Variants in AGBL2 observed in about 807,000 individuals in gnomAD.
The protein encoded by AGBL2 is AGBL carboxypeptidase 2.
In AGBL2, 87 loss-of-function variants were observed where a neutral mutation model predicts 103.0. That is an observed-to-expected ratio of 0.84 (90% confidence interval 0.71 to 1.01). AGBL2 has a LOEUF of 1.01. Among genes scored for constraint, AGBL2 ranks in the 50% least tolerant of loss-of-function variants. AGBL2 has a pLI of 0.00. For synonymous variants in AGBL2, 335 were observed against 356.7 expected (o/e 0.94, Z 0.69); for missense variants, 904 against 1,023.5 (o/e 0.88, Z 1.59).
intron 1 of AGBL2, 54 bp from the exon 2 acceptor site, chr11:47,714,804 C>A (rs540836888): frequency 1.4e-6 from 1 of 731,536 alleles, no homozygotes; most frequent in Non-Finnish European, 2.4e-6. Flanking sequence ...CCCCGGGCGC[C>A]CCCCAGCTCC....
In AGBL2 at chr11:47,686,519, G is replaced by T. The variant is rs144482825; in HGVS notation, c.1632-470C>A. ...GGTATTTGTCTCTGCCCAAATCTCA[G>T]GTTGAGATATAATCCCTAGTGTTGG... On this transcript the variant is annotated intron_variant, in intron 10 of 18. Transcript: ENST00000525123. Among the ~76,000 whole-genome samples, 343 of 143,436 alleles carry T rather than the reference G, an allele frequency of 2.4e-3. 1 individual carries two copies. The highest frequency in any genetic ancestry group is 8.5e-3 in the African/African-American group (322 of 38,102). 94.1% of individuals were successfully genotyped at this position (143,436 alleles called of 152,430 possible).
At chr11:47,662,103 A>C (rs1168432638) in intron 18 of AGBL2, among the ~76,000 whole-genome samples, 2 of 152,180 alleles carry the variant, frequency 1.3e-5, no homozygotes, top group East Asian at 3.9e-4. Flanking sequence ...GCAAATGAGC[A>C]TGATGAATGT....
chr11:47,705,763 T>C (rs2097516403), intron 5 of AGBL2, 101 bp downstream of exon 5: 2 of 1,046,984 alleles, frequency 1.9e-6, no homozygotes, highest in Admixed American at 1.7e-5. Flanking sequence ...ATGAATCCCA[T>C]TCCTGTCTGG....
chr11:47,689,391 A>G (rs1005786090), intron 10 of AGBL2, among the ~76,000 whole-genome samples: 4 of 142,702 alleles, frequency 2.8e-5, no homozygotes, highest in African/African-American at 7.8e-5. Flanking sequence ...TGCAATCTCT[A>G]CCTCTTTGGT....
intron 7 of AGBL2, 140 bp from the exon 8 acceptor site, chr11:47,699,693 C>A: frequency 1.9e-6 from 1 of 515,088 alleles, no homozygotes; most frequent in Non-Finnish European, 3.3e-6. Flanking sequence ...AAATTTCCTG[C>A]TTGTTTATAA....
At chr11:47,674,564 C>T (rs1225864847) in intron 14 of AGBL2, among the ~76,000 whole-genome samples, 9 of 14,570 alleles carry the variant, frequency 6.2e-4, no homozygotes, top group African/African-American at 1.8e-3. Context: ...GAGACTCCGT[C>T]TCAAAAAAAA....
At chr11:47,700,368 C>A (rs867907296) in intron 7 of AGBL2, among the ~76,000 whole-genome samples, 4 of 151,700 alleles carry the variant, frequency 2.6e-5, no homozygotes, top group African/African-American at 9.7e-5. Flanking sequence ...TACCTGAGGT[C>A]GGGAGTTCGA....
chr11:47,690,826 G>T lies in AGBL2; in HGVS notation c.881C>A (p.Thr294Asn), dbSNP rs1290407306. 6.2e-7 allele frequency: 1 copy of T among 1,612,612 alleles called. No homozygotes were observed. Among genetic ancestry groups the T allele is most frequent in the Non-Finnish European group, 8.5e-7 (1 of 1,179,972 alleles). ...DTYEYELTLR[T>N]DLYTNKHTQW... ...AGTGTGTTTGTTAGTGTAGAGGTCA[G>T]TTCGCAAGGTGAGTTCATACTCATA... Residue 294 changes from threonine (T) to asparagine (N), a missense_variant, in exon 10 of 19, where the codon ACT becomes AAT. By Grantham distance (65) the Thr-to-Asn change is moderately conservative. Transcript: ENST00000525123.
At chr11:47,691,953 A>G in intron 9 of AGBL2, 150 bp downstream of exon 9, 1 of 624,410 alleles carries the variant, frequency 1.6e-6, no homozygotes, top group South Asian at 4.9e-5. Flanking sequence ...TGGGGAAAAA[A>G]TGAGTAATAA....
At chr11:47,711,433 G>A (rs573914458) in intron 3 of AGBL2, among the ~76,000 whole-genome samples, 2 of 152,172 alleles carry the variant, frequency 1.3e-5, no homozygotes, top group African/African-American at 4.8e-5. Flanking sequence ...ACCCCTCCCC[G>A]GAGCTCAGAG....
intron 8 of AGBL2, among the ~76,000 whole-genome samples, chr11:47,694,369 A>T (rs564527724): frequency 6.6e-6 from 1 of 152,166 alleles, no homozygotes; most frequent in Admixed American, 6.6e-5. Flanking sequence ...CACCAACCAG[A>T]GATGCAAGCC....
At chr11:47,671,195 C>G (rs1042247076) in intron 14 of AGBL2, among the ~76,000 whole-genome samples, 2 of 152,074 alleles carry the variant, frequency 1.3e-5, no homozygotes, top group Non-Finnish European at 2.9e-5. Context: ...GAGCTGTTCT[C>G]TATGACAGGG....
Position 47,690,872 on chromosome 11 carries a change from A to T in AGBL2, c.849-14T>A. On this transcript the variant is annotated splice_polypyrimidine_tract_variant and intron_variant, in intron 9 of 18. Coordinates refer to ENST00000525123, the MANE Select transcript of AGBL2 (RefSeq NM_024783.4). The stretch of plus-strand genomic sequence containing the variant: ...TCATAGGTGTCTCTGTAATGGAGAA[A>T]ATAGAACAACTCTGTAAGCTTACAC... 6.3e-7 allele frequency: 1 copy of T among 1,593,564 alleles called. No individual in the cohort carries two copies. The highest frequency in any genetic ancestry group is 8.5e-7 in the Non-Finnish European group (1 of 1,172,688).
At chr11:47,683,305 G>A (rs2097409465) in intron 11 of AGBL2, among the ~76,000 whole-genome samples, 1 of 152,058 alleles carries the variant, frequency 6.6e-6, no homozygotes, top group African/African-American at 2.4e-5. Flanking sequence ...CCTGGGAGGA[G>A]GAGGTTGCAG....
intron 14 of AGBL2, among the ~76,000 whole-genome samples, chr11:47,671,989 G>A (rs1170365845): frequency 1.3e-5 from 2 of 152,190 alleles, no homozygotes; most frequent in Non-Finnish European, 2.9e-5. Context: ...AGTTTCTTGA[G>A]GCAGAGGCTG....
At chr11:47,678,812 G>C (rs6485768) in intron 13 of AGBL2, among the ~76,000 whole-genome samples, 150,148 of 150,876 alleles carry the variant, frequency 1, 74,717 homozygotes, top group Middle Eastern at 1. Context: ...AATCCCAGCA[G>C]TTTGGGAGGC....
At position 47,660,317 on chromosome 11, in the gene AGBL2, G is replaced by C; in HGVS notation, c.2565C>G (p.Cys855Trp). 2.5e-6 allele frequency: 4 copies of C among 1,614,002 alleles called. No homozygotes were observed. Among genetic ancestry groups the C allele is most frequent in the South Asian group, 1.1e-5 (1 of 91,058 alleles). ...QNKKPGFTVS[C>W]SPKRTINSSQ... Reference sequence around the variant, plus strand: ...TGGAGTTTATGGTTCTCTTTGGAGAGCATGATACTGTAAAGCCTGGCTTCT... The same window carrying C: ...TGGAGTTTATGGTTCTCTTTGGAGACCATGATACTGTAAAGCCTGGCTTCT... The change falls in exon 19 of 19, where the codon TGC (cysteine) becomes TGG (tryptophan). Residue 855 changes from cysteine to tryptophan, a missense_variant. Transcript: ENST00000525123.
At chr11:47,660,556 A>AT (rs11380369) in intron 18 of AGBL2, among the ~76,000 whole-genome samples, 83,382 of 143,358 alleles carry the variant, frequency 0.58, 24,240 homozygotes, top group Admixed American at 0.64. Flanking sequence ...CATGAGACAC[A>AT]TTTTTTTTTT....
At chr11:47,714,482 T>G in intron 2 of AGBL2, 135 bp from the exon 3 acceptor site, 1 of 1,319,854 alleles carries the variant, frequency 7.6e-7, no homozygotes. Flanking sequence ...TATTCTATCG[T>G]GGGGATCAAG....
Sources: allele counts gnomAD v4.1 joint callset (sites outside exome capture counted in the v4.1 genomes callset), GRCh38; gene constraint gnomAD v4.1.1; transcripts MANE v1.5; gene names NCBI Gene and HGNC (gene_info 2026-07-23, HGNC 2026-07-21).